RAB6A: variants seen among roughly 807,000 people sequenced by gnomAD.
RAB6A encodes the protein ras-related protein Rab-6A.
Under a neutral mutation model 32.3 loss-of-function variants are expected in RAB6A, and 8 were observed. That is an observed-to-expected ratio of 0.25 (90% CI 0.15 to 0.45). The LOEUF is 0.45. Among genes scored for constraint, RAB6A ranks in the 20% least tolerant of loss-of-function variants. The probability of loss-of-function intolerance (pLI) is 1.00; values close to 1 mark genes in which losing one functional copy is unlikely to be tolerated. For missense variants in RAB6A, 104 were observed against 249.4 expected (o/e 0.42, Z 3.93); for synonymous variants, 73 against 82.1 (o/e 0.89, Z 0.60).
At chr11:73,736,285 C>T (rs186006543) in intron 1 of RAB6A, among the ~76,000 whole-genome samples, 168 of 151,456 alleles carry the variant, frequency 1.1e-3, no homozygotes, top group African/African-American at 3.7e-3. Flanking sequence ...AAAAATCAGC[C>T]GGGTGTGGTG....
chr11:73,754,215 C>T (rs1253952484), intron 1 of RAB6A, among the ~76,000 whole-genome samples: 1 of 152,144 alleles, frequency 6.6e-6, no homozygotes, highest in Admixed American at 6.6e-5. Context: ...ACTGTATGTA[C>T]CACGCAGTTT....
intron 2 of RAB6A, chr11:73,730,484 G>A: frequency 3.5e-6 from 1 of 284,856 alleles, no homozygotes; most frequent in Non-Finnish European, 6.4e-6. Flanking sequence ...CCTAGGCTTG[G>A]ACAAAATCTA....
At chr11:73,744,762 G>T (rs1590886867) in intron 1 of RAB6A, among the ~76,000 whole-genome samples, 1 of 152,054 alleles carries the variant, frequency 6.6e-6, no homozygotes, top group Admixed American at 6.6e-5. Context: ...AGGTCATGAG[G>T]TCAAGAGATC....
chr11:73,699,855 T>C (rs1217429509), intron 6 of RAB6A, among the ~76,000 whole-genome samples: 2 of 152,156 alleles, frequency 1.3e-5, no homozygotes, highest in South Asian at 2.1e-4. Flanking sequence ...ATGGGAGATA[T>C]AGTGATGAGG....
At chr11:73,698,131 G>C (rs1945683343) in intron 6 of RAB6A, among the ~76,000 whole-genome samples, 1 of 152,200 alleles carries the variant, frequency 6.6e-6, no homozygotes, top group Non-Finnish European at 1.5e-5. Flanking sequence ...TGAGGTAGGA[G>C]AATCACTTGA....
chr11:73,683,945 C>T (rs780703637), intron 6 of RAB6A, among the ~76,000 whole-genome samples: 1 of 152,120 alleles, frequency 6.6e-6, no homozygotes. Flanking sequence ...ATAAAAGAAT[C>T]GATCAATGCA....
chr11:73,688,538 T>C (rs1340947242), intron 6 of RAB6A, among the ~76,000 whole-genome samples: 10 of 152,228 alleles, frequency 6.6e-5, no homozygotes, highest in African/African-American at 2.2e-4. Flanking sequence ...AATGAGTTGG[T>C]GCCATTCTGT....
intron 6 of RAB6A, among the ~76,000 whole-genome samples, chr11:73,684,898 A>G (rs117631220): frequency 6.6e-6 from 1 of 152,370 alleles, no homozygotes; most frequent in East Asian, 1.9e-4. Flanking sequence ...GGCCAGACTG[A>G]GAAAGACCTT....
chr11:73,692,996 A>G (rs920214289), intron 6 of RAB6A, among the ~76,000 whole-genome samples: 1 of 151,892 alleles, frequency 6.6e-6, no homozygotes. Context: ...ACAAAAAACA[A>G]AAAAAGCCAA....
intron 1 of RAB6A, among the ~76,000 whole-genome samples, chr11:73,759,440 A>G (rs1194197962): frequency 6.6e-6 from 1 of 152,188 alleles, no homozygotes; most frequent in African/African-American, 2.4e-5. Context: ...GGTAAATGAC[A>G]TAACAATTTC....
chr11:73,745,908 A>C (rs1462662455), intron 1 of RAB6A, among the ~76,000 whole-genome samples: 1 of 151,924 alleles, frequency 6.6e-6, no homozygotes, highest in African/African-American at 2.4e-5. Flanking sequence ...GCTGAGGCAC[A>C]AGAATCGCTT....
At chr11:73,698,565 TTC>T (rs756606978) in intron 6 of RAB6A, among the ~76,000 whole-genome samples, 4 of 152,192 alleles carry the variant, frequency 2.6e-5, no homozygotes, top group Admixed American at 6.5e-5. Context: ...GCTTCAGATT[TTC>T]TCTCTAAAAT....
intron 6 of RAB6A, among the ~76,000 whole-genome samples, chr11:73,685,979 G>T (rs1056663020): frequency 2.0e-5 from 3 of 151,570 alleles, no homozygotes; most frequent in African/African-American, 4.9e-5. Context: ...CAGGCTTGGG[G>T]AACAGAGAAT....
In RAB6A at chr11:73,745,534, C is replaced by G. The variant is rs544832313; in HGVS notation, c.71-14711G>C. ...CTGAAGCAGGTGGATCACTTGAGGT[C>G]GGGAGTTTGAGACCAGCCTGACCAA... is the stretch of plus-strand genomic sequence containing the variant. On this transcript the variant is annotated intron_variant, in intron 1 of 7. Coordinates refer to ENST00000336083, the MANE Select transcript of RAB6A (RefSeq NM_198896.2). Among the ~76,000 whole-genome samples the G allele has an allele frequency of 3.3e-5, 5 of 152,098 alleles. No homozygotes were observed. The East Asian group carries it at 9.6e-4, about 29-fold the overall frequency.
chr11:73,750,551 T>C (rs1403885668), intron 1 of RAB6A, among the ~76,000 whole-genome samples: 1 of 152,038 alleles, frequency 6.6e-6, no homozygotes, highest in Non-Finnish European at 1.5e-5. Flanking sequence ...ATGGGGGGGT[T>C]TCTCCATGTT....
chr11:73,737,291 C>T (rs1398052803), intron 1 of RAB6A, among the ~76,000 whole-genome samples: 1 of 151,888 alleles, frequency 6.6e-6, no homozygotes, highest in Non-Finnish European at 1.5e-5. Context: ...TCGAGATCAG[C>T]CTGGGCAAAT....
intron 6 of RAB6A, among the ~76,000 whole-genome samples, chr11:73,685,529 C>T (rs1371602312): frequency 2.1e-5 from 3 of 139,846 alleles, no homozygotes; most frequent in Non-Finnish European, 4.6e-5. Context: ...GCTCATGATC[C>T]GCCTGCCTCA....
Position 73,760,993 on chromosome 11 carries a change from C to A in RAB6A, c.-358G>T. ...GAAGCTGAGGGTGGCGGAGCCGGAACCGCAGACGTATCTGGGACCTCTCAC... is the reference window on the plus strand; with the variant it reads ...GAAGCTGAGGGTGGCGGAGCCGGAAACGCAGACGTATCTGGGACCTCTCAC... On this transcript the variant is annotated 5_prime_UTR_variant, in exon 1 of 8. Transcript: ENST00000336083. The A allele has an allele frequency of 4.4e-6, 1 of 227,688 alleles. No homozygotes were observed. Among genetic ancestry groups the A allele is most frequent in the Non-Finnish European group, 9.1e-6 (1 of 109,828 alleles). 14.1% of individuals were successfully genotyped at this position (227,688 alleles called of 1,614,324 possible).
intron 6 of RAB6A, among the ~76,000 whole-genome samples, chr11:73,691,994 A>G (rs66556722): frequency 0.1 from 15,766 of 152,070 alleles, 897 homozygotes; most frequent in South Asian, 0.27. Context: ...AAGAAAGCAA[A>G]AAGTGCAGCA....
Sources: gnomAD v4.1 joint callset for allele counts (sites outside exome capture counted in the v4.1 genomes callset) on GRCh38, gnomAD v4.1.1 for gene constraint, MANE v1.5 for transcripts, NCBI Gene and HGNC (gene_info 2026-07-23, HGNC 2026-07-21) for gene names.